ZNF224: variants seen among roughly 807,000 people sequenced by gnomAD.
The protein encoded by ZNF224 is zinc finger protein 224, also known as bone marrow zinc finger 2.
A neutral mutation model predicts 10.5 loss-of-function variants in ZNF224; 8 were observed. The ratio of observed to expected loss-of-function variants is 0.76; its 90% CI spans 0.45 to 1.37. The LOEUF is 1.37. Ranked by LOEUF, ZNF224 falls within the 40% of genes most tolerant of loss-of-function variation. The probability of loss-of-function intolerance (pLI) is 0.00; values close to 1 mark genes in which losing one functional copy is unlikely to be tolerated. For missense variants in ZNF224, 754 were observed against 854.0 expected (o/e 0.88, Z 1.46); for synonymous variants, 282 against 287.8 (o/e 0.98, Z 0.20).
chr19:44,107,483 G>A lies in ZNF224; in HGVS notation c.1323G>A (p.Leu441=). ...VECGKGYKRR[L]DLDFHQRVHT... is the part of the protein sequence containing the mutation. ...GTGGGAAGGGCTACAAAAGGAGGTT[G>A]GATCTTGACTTTCACCAGCGCGTCC... The change falls in exon 6 of 6, where the codon TTG becomes TTA. Residue 441 remains leucine (L), a synonymous_variant. Coordinates refer to ENST00000693561, the MANE Select transcript of ZNF224 (RefSeq NM_001321645.3). 3 of 1,601,780 alleles carry A rather than the reference G, an allele frequency of 1.9e-6. No homozygotes were observed. Among genetic ancestry groups the A allele is most frequent in the Non-Finnish European group, 2.6e-6 (3 of 1,174,978 alleles).
intron 3 of ZNF224, among the ~76,000 whole-genome samples, chr19:44,100,176 A>G (rs1375022448): frequency 6.6e-6 from 1 of 152,244 alleles, no homozygotes; most frequent in African/African-American, 2.4e-5. Context: ...TAGAGAGGAA[A>G]GTAATGCATT....
rs73562184 is a variant in ZNF224, at chr19:44,104,250, C to T, written c.236-2146C>T. 6.9e-3 allele frequency among the ~76,000 whole-genome samples: 1,049 copies of T among 152,250 alleles called. 13 individuals carry two copies. The highest frequency in any genetic ancestry group is 0.024 in the African/African-American group (1,008 of 41,546). On this transcript the variant is annotated intron_variant, in intron 5 of 5. Transcript: ENST00000693561. ...AATAAAATTAAAGATACATGTTATG[C>T]CAAATTCTTGTGTAGGAATATTATG... is the stretch of plus-strand genomic sequence containing the variant.
chr19:44,097,688 A>T, intron 2 of ZNF224, 118 bp from the exon 3 acceptor site: 1 of 582,796 alleles, frequency 1.7e-6, no homozygotes, highest in Non-Finnish European at 3.0e-6. Flanking sequence ...TTGGGTTTTT[A>T]TGATTAATGC....
rs761735414 is a variant in ZNF224 at position 44,107,981 on chromosome 19, G to A, written c.1821G>A (p.Trp607Ter). 11 of 1,614,058 alleles carry A rather than the reference G, an allele frequency of 6.8e-6. No individual in the cohort carries two copies. The highest frequency in any genetic ancestry group is 9.3e-6 in the Non-Finnish European group (11 of 1,180,034). ...ATGAGTGTGGGAAGGGCTTCAGCTG[G>A]TCCTCAACTCGTCTGACCCATCAGA... ...KCDECGKGFS[W>*]SSTRLTHQRR... Residue 607 changes from tryptophan to a stop codon, truncating the protein, a stop_gained, in exon 6 of 6, where the codon TGG becomes TGA. Coordinates refer to ENST00000693561, the MANE Select transcript of ZNF224 (RefSeq NM_001321645.3). LOFTEE classifies it low-confidence loss of function (END_TRUNC).
At chr19:44,097,682 G>A (rs964568244) in intron 2 of ZNF224, 124 bp from the exon 3 acceptor site, 4 of 570,320 alleles carry the variant, frequency 7.0e-6, no homozygotes. Flanking sequence ...GCCGTTTTGG[G>A]TTTTTATGAT....
Position 44,108,363 on chromosome 19 carries a change from A to G in ZNF224, c.*79A>G. On this transcript the variant is annotated 3_prime_UTR_variant, in exon 6 of 6. Coordinates refer to ENST00000693561, the MANE Select transcript of ZNF224 (RefSeq NM_001321645.3). ...CTGAAAGTTCACAAAGGAGAGACACATTAAAATATGAGGCACATAGTAAGC... is the reference window on the plus strand; with the variant it reads ...CTGAAAGTTCACAAAGGAGAGACACGTTAAAATATGAGGCACATAGTAAGC... 1 of 1,413,564 alleles carries G rather than the reference A, an allele frequency of 7.1e-7. No homozygotes were observed. The highest frequency in any genetic ancestry group is 9.5e-7 in the Non-Finnish European group (1 of 1,049,332). 87.6% of individuals were successfully genotyped at this position (1,413,564 alleles called of 1,614,324 possible).
rs3208211 is a variant in ZNF224 at position 44,107,315 on chromosome 19, G to A, written c.1155G>A (p.Ser385=). ...GTGGGAAGAGCTTCAGATGGGCCTC[G>A]TGTCTTTTGAAACATCAGCGAGTCC... is the stretch of plus-strand genomic sequence containing the variant. ...KECGKSFRWA[S]CLLKHQRVHS... Residue 385 remains serine (S), a synonymous_variant, in exon 6 of 6, where the codon TCG becomes TCA. Coordinates refer to ENST00000693561, the MANE Select transcript of ZNF224 (RefSeq NM_001321645.3). The A allele has an allele frequency of 1.1e-5, 17 of 1,584,592 alleles. No homozygotes were observed. The highest frequency in any genetic ancestry group is 6.7e-5 in the East Asian group (3 of 44,626).
At position 44,107,019 on chromosome 19, in the gene ZNF224, C is replaced by A. The variant is rs199793196; in HGVS notation, c.859C>A (p.Pro287Thr). The change falls in exon 6 of 6, where the codon CCA (proline) becomes ACA (threonine). Residue 287 changes from proline to threonine, a missense_variant. Physicochemically the swap from Pro to Thr is conservative, Grantham distance 38. Coordinates refer to ENST00000693561, the MANE Select transcript of ZNF224 (RefSeq NM_001321645.3). ...EHQRIHTGEK[P>T]FKCDICGKSF... is the part of the protein sequence containing the mutation. ...TCAGAGAATCCATACGGGGGAGAAG[C>A]CATTCAAATGTGATATATGTGGTAA... 6.2e-7 allele frequency: 1 copy of A among 1,607,302 alleles called. No individual in the cohort carries two copies. The highest frequency in any genetic ancestry group is 1.1e-5 in the South Asian group (1 of 90,022).
At position 44,100,813 on chromosome 19, in the gene ZNF224, T is replaced by C; in HGVS notation, c.28T>C (p.Phe10Leu). The C allele has an allele frequency of 6.2e-7, 1 of 1,613,712 alleles. No individual in the cohort carries two copies. The highest frequency in any genetic ancestry group is 8.5e-7 in the Non-Finnish European group (1 of 1,179,760). The stretch of plus-strand genomic sequence containing the variant: ...TTTGATGCTATAGGAGGCAATGACC[T>C]TCAAGGACGTGGCTGTGGTCTTCAC... MTTFKEAMT[F>L]KDVAVVFTEE... The change falls in exon 4 of 6, where the codon TTC becomes CTC. Residue 10 changes from phenylalanine (F) to leucine (L), a missense_variant. By Grantham distance (22) the Phe-to-Leu change is conservative. Coordinates refer to ENST00000693561, the MANE Select transcript of ZNF224 (RefSeq NM_001321645.3).
chr19:44,103,546 T>C (rs959551848), intron 5 of ZNF224, among the ~76,000 whole-genome samples: 5 of 152,206 alleles, frequency 3.3e-5, no homozygotes, highest in African/African-American at 1.2e-4. Flanking sequence ...GATGTGATCA[T>C]TTCTTTTCTA....
chr19:44,097,710 G>A, intron 2 of ZNF224, 96 bp from the exon 3 acceptor site: 1 of 708,328 alleles, frequency 1.4e-6, no homozygotes, highest in East Asian at 2.6e-5. Context: ...GCTGTGAACA[G>A]TCATGTGCCA....
intron 3 of ZNF224, among the ~76,000 whole-genome samples, chr19:44,099,884 T>C (rs545802740): frequency 6.6e-6 from 1 of 152,280 alleles, no homozygotes; most frequent in South Asian, 2.1e-4. Context: ...CATTTTGTTA[T>C]TTAAAACTTA....
In ZNF224 at chr19:44,106,791, A is replaced by G; in HGVS notation, c.631A>G (p.Lys211Glu). 1.2e-6 allele frequency: 2 copies of G among 1,613,924 alleles called. No individual in the cohort carries two copies. The highest frequency in any genetic ancestry group is 1.7e-6 in the Non-Finnish European group (2 of 1,179,860). The stretch of plus-strand genomic sequence containing the variant: ...ATGCTATAAGTGTGACGTGTGTGGT[A>G]AGGAATTCAGTCAGAGTTCACATCT... The part of the protein sequence containing the change: ...EKCYKCDVCG[K>E]EFSQSSHLQT... Residue 211 changes from lysine (K) to glutamate (E), a missense_variant, in exon 6 of 6, where the codon AAG becomes GAG. Physicochemically the swap from Lys to Glu is moderately conservative, Grantham distance 56. Transcript: ENST00000693561.
At chr19:44,104,442 T>C (rs572579296) in intron 5 of ZNF224, among the ~76,000 whole-genome samples, 3 of 152,228 alleles carry the variant, frequency 2.0e-5, no homozygotes, top group African/African-American at 4.8e-5. Flanking sequence ...CCTAGAAAGA[T>C]AAGCAGAACT....
Position 44,106,827 on chromosome 19 carries a change from CAG to C in ZNF224, c.672_673del (p.Arg224SerfsTer20), listed in dbSNP as rs773611810. 1.4e-5 allele frequency: 23 copies of C among 1,613,818 alleles called. No homozygotes were observed. The highest frequency in any genetic ancestry group is 6.7e-5 in the East Asian group (3 of 44,880). On this transcript the variant is annotated frameshift_variant, in exon 6 of 6. Coordinates refer to ENST00000693561, the MANE Select transcript of ZNF224 (RefSeq NM_001321645.3). LOFTEE classifies it low-confidence loss of function (END_TRUNC). The stretch of plus-strand genomic sequence containing the variant: ...TCAGAGTTCACATCTGCAAACTCAT[CAG>C]AGAGTCCACACTGGAGAGAAACCGT... Reference protein sequence around the residue: ...FSQSSHLQTHQRVHTGEKPFK... With the variant: ...FSQSSHLQTHXRVHTGEKPFK...
intron 2 of ZNF224, 164 bp from the exon 3 acceptor site, chr19:44,097,642 C>T (rs183119194): frequency 1.9e-6 from 1 of 513,636 alleles, no homozygotes; most frequent in East Asian, 3.2e-5. Flanking sequence ...TTTGTCTATT[C>T]ATTTACCCAC....
chr19:44,103,672 T>C (rs1967591734), intron 5 of ZNF224, among the ~76,000 whole-genome samples: 1 of 152,076 alleles, frequency 6.6e-6, no homozygotes, highest in African/African-American at 2.4e-5. Context: ...ATATCATATA[T>C]TTTCTGCCCT....
At chr19:44,106,371 A>G in intron 5 of ZNF224, 25 bp from the exon 6 acceptor site, 1 of 1,612,910 alleles carries the variant, frequency 6.2e-7, no homozygotes, top group Non-Finnish European at 8.5e-7. Context: ...ACTTGTCCTC[A>G]TCTTTTAATT....
chr19:44,106,715 T>C lies in ZNF224; in HGVS notation c.555T>C (p.Phe185=), dbSNP rs748361208. ...CGTGTGATGAGTGTGGAAAGAACTT[T>C]TGTTACATCTCAGCCCTTCGTATTC... ...SHTCDECGKN[F]CYISALRIHQ... is the part of the protein sequence containing the mutation. The change falls in exon 6 of 6, where the codon TTT becomes TTC. Residue 185 remains phenylalanine (F), a synonymous_variant. Transcript: ENST00000693561. The C allele has an allele frequency of 2.5e-6, 4 of 1,606,562 alleles. No homozygotes were observed. In the South Asian group the frequency reaches 3.3e-5, roughly 13 times the overall value.
Sources: allele counts gnomAD v4.1 joint callset (sites outside exome capture counted in the v4.1 genomes callset), GRCh38; gene constraint gnomAD v4.1.1; transcripts MANE v1.5; gene names NCBI Gene and HGNC (gene_info 2026-07-23, HGNC 2026-07-21).